CATSPERE: variants seen among roughly 807,000 people sequenced by gnomAD.
The protein encoded by CATSPERE is catsper channel auxiliary subunit epsilon.
CATSPERE carries 93 observed loss-of-function variants against 114.1 expected under a neutral mutation model. The ratio of observed to expected loss-of-function variants is 0.81; its 90% confidence interval spans 0.69 to 0.97. CATSPERE has a LOEUF of 0.97. Ranked by LOEUF, CATSPERE falls within the 50% of genes least tolerant of loss-of-function variation. The pLI is 0.00. For synonymous variants in CATSPERE, 341 were observed against 384.1 expected (o/e 0.89, Z 1.31); for missense variants, 1,058 against 1,131.6 (o/e 0.93, Z 0.93).
intron 19 of CATSPERE, among the ~76,000 whole-genome samples, chr1:244,615,774 G>A (rs1671300199): frequency 6.6e-6 from 1 of 151,764 alleles, no homozygotes; most frequent in Non-Finnish European, 1.5e-5. Flanking sequence ...GGTAAGTAAC[G>A]GCAGGCATAA....
chr1:244,632,272 T>A (rs545575098), intron 20 of CATSPERE, among the ~76,000 whole-genome samples: 1 of 151,444 alleles, frequency 6.6e-6, no homozygotes, highest in South Asian at 2.1e-4. Flanking sequence ...TGTGCGCCTT[T>A]AATGCCAGCT....
chr1:244,461,810 CG>C (rs1666857923), intron 1 of CATSPERE, among the ~76,000 whole-genome samples: 1 of 152,118 alleles, frequency 6.6e-6, no homozygotes, highest in Admixed American at 6.5e-5. Context: ...TTGTTTAGGG[CG>C]GGGGTTGTCT....
rs1454435565 is a variant in CATSPERE, at chr1:244,575,151, T to G, written c.1950+2379T>G. On this transcript the variant is annotated intron_variant, in intron 11 of 21. Transcript: ENST00000366534. This position sits in a 1 kb window ranked among gnomAD's most constrained non-coding sequence, Gnocchi z 4.5. The stretch of plus-strand genomic sequence containing the variant: ...GCCGCCATCTGTCTCTCCTGTTTCT[T>G]TCTGATTTTCCTTTTTACTTTCTCC... Among the ~76,000 whole-genome samples the G allele has an allele frequency of 1.3e-5, 2 of 152,182 alleles. No homozygotes were observed. The highest frequency in any genetic ancestry group is 2.9e-5 in the Non-Finnish European group (2 of 68,028).
At chr1:244,577,093 C>T (rs1572842780) in intron 11 of CATSPERE, among the ~76,000 whole-genome samples, 1 of 151,896 alleles carries the variant, frequency 6.6e-6, no homozygotes, top group Non-Finnish European at 1.5e-5. Flanking sequence ...CTTGAAGGCA[C>T]TGGAAAAGCA....
At chr1:244,464,651 C>A (rs560932085) in intron 2 of CATSPERE, among the ~76,000 whole-genome samples, 2 of 152,244 alleles carry the variant, frequency 1.3e-5, no homozygotes, top group South Asian at 4.1e-4. Flanking sequence ...ACATCTTCAC[C>A]AAAATTTGGT....
intron 15 of CATSPERE, 94 bp downstream of exon 15, chr1:244,591,825 C>G: frequency 1.3e-6 from 1 of 781,396 alleles, no homozygotes; most frequent in Non-Finnish European, 2.1e-6. Flanking sequence ...TTATTAGCAT[C>G]CATGTGTTCG....
At chr1:244,578,633 CT>C (rs1181480757) in intron 11 of CATSPERE, among the ~76,000 whole-genome samples, 6 of 151,402 alleles carry the variant, frequency 4.0e-5, no homozygotes, top group Admixed American at 4.0e-4. Flanking sequence ...AACACATTTA[CT>C]GTAGACCTCA....
At chr1:244,626,776 G>A (rs1044486522) in intron 20 of CATSPERE, among the ~76,000 whole-genome samples, 4 of 152,220 alleles carry the variant, frequency 2.6e-5, no homozygotes, top group Admixed American at 2.6e-4. Context: ...ATTGAAGAGA[G>A]TGCTCTAAAT....
At chr1:244,572,165 A>G (rs978111127) in intron 10 of CATSPERE, among the ~76,000 whole-genome samples, 165 bp from the exon 11 acceptor site, 1 of 152,238 alleles carries the variant, frequency 6.6e-6, no homozygotes, top group African/African-American at 2.4e-5. Context: ...GAAGTTCCCC[A>G]ATATAGTGTA....
chr1:244,583,917 A>C lies in CATSPERE; in HGVS notation c.2063A>C (p.Lys688Thr), dbSNP rs868345615. The C allele has an allele frequency of 9.9e-6, 16 of 1,614,000 alleles. No individual in the cohort carries two copies. The African/African-American group carries it at 1.7e-4, about 18-fold the overall frequency. ...LVQFRPSEYS[K>T]ACPIAQKVFQ... ...CAGTTTCGACCTAGTGAATATTCAA[A>C]AGCATGTCCAATAGCCCAAAAGGTA... is the stretch of plus-strand genomic sequence containing the variant. The change falls in exon 13 of 22, where the codon AAA becomes ACA. Residue 688 changes from lysine (K) to threonine (T), a missense_variant. Coordinates refer to ENST00000366534, the MANE Select transcript of CATSPERE (RefSeq NM_001130957.2).
At chr1:244,562,909 G>C (rs778480073) in intron 10 of CATSPERE, among the ~76,000 whole-genome samples, 7 of 151,944 alleles carry the variant, frequency 4.6e-5, no homozygotes, top group Non-Finnish European at 8.8e-5. Context: ...GACAGGCCTT[G>C]GTGTGTGATG....
intron 20 of CATSPERE, among the ~76,000 whole-genome samples, chr1:244,628,085 G>A (rs1407277679): frequency 6.6e-6 from 1 of 152,214 alleles, no homozygotes. Context: ...TGGCCACAAA[G>A]TGCAAAAGTA....
chr1:244,477,722 T>C, intron 3 of CATSPERE, 108 bp downstream of exon 3: 2 of 988,170 alleles, frequency 2.0e-6, no homozygotes, highest in Non-Finnish European at 3.1e-6. Context: ...TTTCTTTCAT[T>C]AAGTAGATGT....
Position 244,555,780 on chromosome 1 carries a change from C to T in CATSPERE, c.1029+2966C>T, listed in dbSNP as rs149670988. Among the ~76,000 whole-genome samples, 699 of 152,192 alleles carry T rather than the reference C, an allele frequency of 4.6e-3. 1 individual carries two copies. Among genetic ancestry groups the T allele is most frequent in the Non-Finnish European group, 7.6e-3 (514 of 68,010 alleles). On this transcript the variant is annotated intron_variant, in intron 9 of 21. Transcript: ENST00000366534. ...CAAAAATCAGCAGCATTTCTATACACTAATAATGAAATAGCTGGAAAATAA... is the reference window on the plus strand; with the variant it reads ...CAAAAATCAGCAGCATTTCTATACATTAATAATGAAATAGCTGGAAAATAA...
upstream of CATSPERE, among the ~76,000 whole-genome samples, chr1:244,456,732 A>G (rs1163448984): frequency 6.6e-6 from 1 of 152,178 alleles, no homozygotes; most frequent in Non-Finnish European, 1.5e-5. Context: ...CTGGGGACAC[A>G]TGGACAGCCA....
chr1:244,489,425 C>T (rs541045589), intron 5 of CATSPERE, among the ~76,000 whole-genome samples: 185 of 135,528 alleles, frequency 1.4e-3, no homozygotes, highest in African/African-American at 4.9e-3. Context: ...ATTCTGTGAA[C>T]TTGCAGTATT....
At chr1:244,474,133 G>T (rs1271258420) in intron 2 of CATSPERE, among the ~76,000 whole-genome samples, 1 of 152,044 alleles carries the variant, frequency 6.6e-6, no homozygotes, top group Admixed American at 6.6e-5. Flanking sequence ...CCAGGTTCAA[G>T]CAATTCTCTT....
At chr1:244,557,221 T>A (rs1442542591) in intron 9 of CATSPERE, among the ~76,000 whole-genome samples, 2 of 151,980 alleles carry the variant, frequency 1.3e-5, no homozygotes, top group African/African-American at 4.8e-5. Context: ...TGGTTCCATA[T>A]GAATTTTAGG....
At chr1:244,623,278 A>G (rs949611400) in intron 20 of CATSPERE, among the ~76,000 whole-genome samples, 5 of 152,028 alleles carry the variant, frequency 3.3e-5, no homozygotes, top group African/African-American at 1.2e-4. Context: ...GGGTTTTGCC[A>G]TGTTGGCCAG....
Sources: gnomAD v4.1 joint callset for allele counts (sites outside exome capture counted in the v4.1 genomes callset) on GRCh38, gnomAD v4.1.1 for gene constraint, Gnocchi (gnomAD v3.1) non-coding constraint, MANE v1.5 for transcripts, NCBI Gene and HGNC (gene_info 2026-07-23, HGNC 2026-07-21) for gene names.